RIGI: variants seen among roughly 807,000 people sequenced by gnomAD.
The protein encoded by RIGI is RNA sensor RIG-I.
chr9:32,502,893 G>A, the RIGI span, among the ~76,000 whole-genome samples: 1 of 152,156 alleles, frequency 6.6e-6, no homozygotes, highest in Non-Finnish European at 1.5e-5. Context: ...ATTGAACTAG[G>A]GGCCTGCCCT....
At chr9:32,496,474 G>A in the RIGI span, among the ~76,000 whole-genome samples, 2 of 152,204 alleles carry the variant, frequency 1.3e-5, no homozygotes, top group Non-Finnish European at 2.9e-5. Flanking sequence ...AAAGGGAGAA[G>A]AAGGGCAAAT....
chr9:32,517,028 A>C, the RIGI span, among the ~76,000 whole-genome samples: 4 of 152,240 alleles, frequency 2.6e-5, no homozygotes, highest in East Asian at 5.8e-4. Context: ...GTTTGCCCCA[A>C]TATTCTTTGG....
the RIGI span, among the ~76,000 whole-genome samples, chr9:32,466,907 A>G: frequency 6.6e-6 from 1 of 152,188 alleles, no homozygotes; most frequent in Non-Finnish European, 1.5e-5. Flanking sequence ...AGCAGTAAAC[A>G]GGCCCTCCTT....
the RIGI span, among the ~76,000 whole-genome samples, chr9:32,476,318 A>G: frequency 6.6e-6 from 1 of 152,134 alleles, no homozygotes; most frequent in African/African-American, 2.4e-5. Flanking sequence ...CAACATAACA[A>G]GACCCCACCT....
chr9:32,474,338 G>A, the RIGI span, among the ~76,000 whole-genome samples: 1 of 150,472 alleles, frequency 6.6e-6, no homozygotes, highest in African/African-American at 2.4e-5. Flanking sequence ...AGAAACCAAA[G>A]AACATCTGGT....
At chr9:32,465,874 G>A in the RIGI span, among the ~76,000 whole-genome samples, 1 of 152,146 alleles carries the variant, frequency 6.6e-6, no homozygotes, top group South Asian at 2.1e-4. Flanking sequence ...ATCTGAATAG[G>A]CATCCCATTC....
the RIGI span, among the ~76,000 whole-genome samples, chr9:32,482,534 G>T: frequency 1.3e-5 from 2 of 152,006 alleles, no homozygotes; most frequent in Non-Finnish European, 2.9e-5. Context: ...AAAATAACAG[G>T]TCTCAAGAGC....
At chr9:32,457,097 G>C in the RIGI span, 2 of 1,590,320 alleles carry the variant, frequency 1.3e-6, no homozygotes, top group South Asian at 2.2e-5. Context: ...CTCATTCCCT[G>C]TAGCTGAAGA....
the RIGI span, among the ~76,000 whole-genome samples, chr9:32,490,120 AT>A: frequency 3.3e-5 from 5 of 152,328 alleles, no homozygotes; most frequent in African/African-American, 1.2e-4. Flanking sequence ...CATGCCTGTA[AT>A]CCCAGCACTT....
At chr9:32,457,830 TGAA>T in the RIGI span, among the ~76,000 whole-genome samples, 147 of 152,216 alleles carry the variant, frequency 9.7e-4, 1 homozygote, top group African/African-American at 3.3e-3. Context: ...AAGATGCAAT[TGAA>T]GAAGGTCAGG....
chr9:32,492,531 G>A, the RIGI span: 14,306 of 1,614,068 alleles, frequency 8.9e-3, 475 homozygotes, highest in African/African-American at 0.089. Flanking sequence ...CCCCTTAGTA[G>A]AGCAAATCTA....
chr9:32,487,420 G>A, the RIGI span: 6 of 1,559,628 alleles, frequency 3.8e-6, no homozygotes, highest in Admixed American at 1.7e-5. Context: ...CTGAACTAGA[G>A]GTAGTAGAGA....
At chr9:32,514,739 C>A in the RIGI span, among the ~76,000 whole-genome samples, 90 of 152,170 alleles carry the variant, frequency 5.9e-4, no homozygotes, top group African/African-American at 2.1e-3. Flanking sequence ...AAAAGAAATG[C>A]TTGACTATTG....
chr9:32,522,757 G>T, the RIGI span, among the ~76,000 whole-genome samples: 1 of 152,154 alleles, frequency 6.6e-6, no homozygotes, highest in Non-Finnish European at 1.5e-5. Flanking sequence ...CCATTCCTCA[G>T]CATGAAGCTG....
chr9:32,477,801 T>A, the RIGI span, among the ~76,000 whole-genome samples: 1 of 152,038 alleles, frequency 6.6e-6, no homozygotes, highest in Non-Finnish European at 1.5e-5. Context: ...GATGGGCGCC[T>A]ATAATCCCAG....
the RIGI span, among the ~76,000 whole-genome samples, chr9:32,492,862 T>C: frequency 1.3e-5 from 2 of 152,262 alleles, no homozygotes; most frequent in African/African-American, 4.8e-5. Flanking sequence ...TATTGGCATA[T>C]AGCAATATTT....
At chr9:32,497,179 G>A in the RIGI span, among the ~76,000 whole-genome samples, 5,011 of 152,220 alleles carry the variant, frequency 0.033, 273 homozygotes, top group African/African-American at 0.11. Context: ...GAATGGGGAT[G>A]TCTTTCCATT....
chr9:32,477,246 TGAG>T, the RIGI span: 3 of 1,244,412 alleles, frequency 2.4e-6, no homozygotes, highest in East Asian at 2.4e-5. Context: ...CAGAATTTTA[TGAG>T]TAGTAAGTAC....
At chr9:32,488,216 A>C in the RIGI span, 1 of 1,611,844 alleles carries the variant, frequency 6.2e-7, no homozygotes, top group Non-Finnish European at 8.5e-7. Context: ...GGGAAATGAC[A>C]GAAATTCCAT....
Sources: gnomAD v4.1 joint callset for allele counts (sites outside exome capture counted in the v4.1 genomes callset) on GRCh38, gnomAD v4.1.1 for gene constraint, MANE v1.5 for transcripts, NCBI Gene and HGNC (gene_info 2026-07-23, HGNC 2026-07-21) for gene names.